B3GALT2: variants seen among roughly 807,000 people sequenced by gnomAD.
B3GALT2 encodes UDP-Gal:betaGlcNAc beta 1,3-galactosyltransferase, polypeptide 2.
B3GALT2 carries 13 observed loss-of-function variants against 33.5 expected under a neutral mutation model. That is an observed-to-expected ratio of 0.39 (90% CI 0.25 to 0.62). The LOEUF is 0.62. Ranked by LOEUF, B3GALT2 falls within the 20% of genes least tolerant of loss-of-function variation. The probability of loss-of-function intolerance (pLI) is 0.53; values close to 1 mark genes in which losing one functional copy is unlikely to be tolerated. For missense variants in B3GALT2, 418 were observed against 509.1 expected, an observed-to-expected ratio of 0.82 and a Z score of 1.72; for synonymous variants, 195 against 172.7, an observed-to-expected ratio of 1.13 and a Z score of -1.01.
rs1189074346 is a variant in B3GALT2 at position 193,186,179 on chromosome 1, C to G, written c.-281G>C. 6.5e-6 allele frequency: 1 copy of G among 153,062 alleles called. No individual in the cohort carries two copies. Among genetic ancestry groups the G allele is most frequent in the East Asian group, 1.9e-4 (1 of 5,168 alleles). The allele number at this position is 153,062 out of a possible 1,614,324, so 9.5% of individuals were successfully genotyped here. On this transcript the variant is annotated 5_prime_UTR_variant, in exon 1 of 2. Transcript: ENST00000367434. The stretch of plus-strand genomic sequence containing the variant: ...CACAGTATCCAAAGTGTCCATCTGT[C>G]TGCTTGTCTTCGAGTTACCCTCCTT...
At position 193,179,508 on chromosome 1, in the gene B3GALT2, A is replaced by G. The variant is rs1419731577; in HGVS notation, c.*786T>C. ...TGTTTAAGAGTGCAGTAATTGGTCT[A>G]ATCCAATAACTCATTGAAATAGGAG... is the stretch of plus-strand genomic sequence containing the variant. On this transcript the variant is annotated 3_prime_UTR_variant, in exon 2 of 2. Coordinates refer to ENST00000367434, the MANE Select transcript of B3GALT2 (RefSeq NM_003783.3). 6.6e-6 allele frequency: 1 copy of G among 152,658 alleles called. No individual in the cohort carries two copies. Among genetic ancestry groups the G allele is most frequent in the African/African-American group, 2.4e-5 (1 of 41,460 alleles). The allele number at this position is 152,658 out of a possible 1,614,324, so 9.5% of individuals were successfully genotyped here.
chr1:193,185,392 T>C (rs562449035), intron 1 of B3GALT2, among the ~76,000 whole-genome samples: 102 of 152,220 alleles, frequency 6.7e-4, no homozygotes, highest in African/African-American at 2.4e-3. Flanking sequence ...CACTACCTTA[T>C]GTGATCTTAT....
At position 193,180,878 on chromosome 1, in the gene B3GALT2, T is replaced by A; in HGVS notation, c.685A>T (p.Ile229Phe). The stretch of plus-strand genomic sequence containing the variant: ...CAGTTCATGCCCATTAGTGTTTTAA[T>A]GGTCAAATTATAGTACGTATCTAAG... ...EYLDTYYNLT[I>F]KTLMGMNWVA... The change falls in exon 2 of 2, where the codon ATT (isoleucine) becomes TTT (phenylalanine). Residue 229 changes from isoleucine to phenylalanine, a missense_variant. By Grantham distance (21) the Ile-to-Phe change is conservative. Coordinates refer to ENST00000367434, the MANE Select transcript of B3GALT2 (RefSeq NM_003783.3). 6.2e-7 allele frequency: 1 copy of A among 1,613,936 alleles called. No homozygotes were observed.
chr1:193,182,879 A>G (rs1157595251), intron 1 of B3GALT2, among the ~76,000 whole-genome samples: 10 of 152,056 alleles, frequency 6.6e-5, no homozygotes, highest in Admixed American at 6.6e-4. Flanking sequence ...AGTGATGAAT[A>G]TGTAATTTTA....
rs1436739463 is a variant in B3GALT2, at chr1:193,178,762, G to A, written c.*1532C>T. Among the ~76,000 whole-genome samples the A allele has an allele frequency of 1.3e-5, 2 of 152,156 alleles. No individual in the cohort carries two copies. The highest frequency in any genetic ancestry group is 4.8e-5 in the African/African-American group (2 of 41,440). ...CACTTGATTTAGAGTAGAACACTTA[G>A]GCTACTGATTTGAAATGGAGATAAG... On this transcript the variant is annotated 3_prime_UTR_variant, in exon 2 of 2. Coordinates refer to ENST00000367434, the MANE Select transcript of B3GALT2 (RefSeq NM_003783.3).
rs1425629651 is a variant in B3GALT2 at position 193,180,992 on chromosome 1, A to G, written c.571T>C (p.Leu191=). The change falls in exon 2 of 2, where the codon TTG becomes CTG. Residue 191 remains leucine, a synonymous_variant. Coordinates refer to ENST00000367434, the MANE Select transcript of B3GALT2 (RefSeq NM_003783.3). ...PGIQITRIFL[L]GLSIKLNGYL... The stretch of plus-strand genomic sequence containing the variant: ...CCATTTAGCTTAATACTTAAGCCCA[A>G]CAAAAATATTCTTGTGATTTGAATA... 15 of 1,613,452 alleles carry G rather than the reference A, an allele frequency of 9.3e-6. No homozygotes were observed. The highest frequency in any genetic ancestry group is 1.3e-5 in the Non-Finnish European group (15 of 1,179,974).
At position 193,181,146 on chromosome 1, in the gene B3GALT2, A is replaced by T. The variant is rs998757805; in HGVS notation, c.417T>A (p.Ile139=). 10 of 1,613,858 alleles carry T rather than the reference A, an allele frequency of 6.2e-6. No individual in the cohort carries two copies. The highest frequency in any genetic ancestry group is 8.5e-6 in the Non-Finnish European group (10 of 1,179,944). Residue 139 remains isoleucine (I), a synonymous_variant, in exon 2 of 2, where the codon ATT becomes ATA. Transcript: ENST00000367434. ...CTTGGCATTTTTCAGGCTCATTAAT[A>T]ATATATTTGAAATGGTAAGAATTTG... ...GHPNSYHFKY[I]INEPEKCQEK...
chr1:193,183,662 AAAT>A (rs1676756937), intron 1 of B3GALT2, among the ~76,000 whole-genome samples: 1 of 151,702 alleles, frequency 6.6e-6, no homozygotes, highest in African/African-American at 2.4e-5. Context: ...CATATTTGGT[AAAT>A]AATAATGACT....
rs969040425 is a variant in B3GALT2, at chr1:193,181,240, C to T, written c.323G>A (p.Gly108Glu). The change falls in exon 2 of 2, where the codon GGA becomes GAA. Residue 108 changes from glycine (G) to glutamate (E), a missense_variant. Physicochemically the swap from Gly to Glu is moderately conservative, Grantham distance 98 (BLOSUM62 -2). Around this residue, in one of 3 missense-constraint regions of B3GALT2, gnomAD observed 188 missense variants for 197.5 expected, o/e 0.95. Transcript: ENST00000367434. ...AAGTGTATTCTCCAGGCCTGTAACT[C>T]CTTGTGGTGACAGGTCTGTGTTATT... ...NSNNTDLSPQ[G>E]VTGLENTLSA... 6.2e-7 allele frequency: 1 copy of T among 1,613,872 alleles called. No individual in the cohort carries two copies. Among genetic ancestry groups the T allele is most frequent in the African/African-American group, 1.3e-5 (1 of 74,880 alleles).
Position 193,179,678 on chromosome 1 carries a change from A to G in B3GALT2, c.*616T>C, listed in dbSNP as rs535705502. On this transcript the variant is annotated 3_prime_UTR_variant, in exon 2 of 2. Coordinates refer to ENST00000367434, the MANE Select transcript of B3GALT2 (RefSeq NM_003783.3). ...ATTTTCCCCCATATATTAATAAAAG[A>G]AAGTATTAATAAAAGAAATTTAAAA... 1 of 152,702 alleles carries G rather than the reference A, an allele frequency of 6.5e-6. No homozygotes were observed. Among genetic ancestry groups the G allele is most frequent in the Non-Finnish European group, 1.5e-5 (1 of 67,996 alleles). The allele number at this position is 152,702 out of a possible 1,614,324, so 9.5% of individuals were successfully genotyped here. A position where few individuals can be genotyped will look rare whatever the true frequency, so the allele number is the denominator to read the frequency against.
chr1:193,180,946 A>G lies in B3GALT2; in HGVS notation c.617T>C (p.Leu206Pro). 6.2e-7 allele frequency: 1 copy of G among 1,613,564 alleles called. No homozygotes were observed. Among genetic ancestry groups the G allele is most frequent in the Non-Finnish European group, 8.5e-7 (1 of 1,179,954 alleles). The change falls in exon 2 of 2, where the codon CTG (leucine) becomes CCG (proline). Residue 206 changes from leucine (L) to proline (P), a missense_variant. Physicochemically the swap from Leu to Pro is moderately conservative, Grantham distance 98. Transcript: ENST00000367434. The stretch of plus-strand genomic sequence containing the variant: ...ATCATGATATTGTCTGCTTTCTTCC[A>G]GTATTGCACGTTGAAGGTAGCCATT... Reference protein sequence around the residue: ...KLNGYLQRAILEESRQYHDII... With the variant: ...KLNGYLQRAIPEESRQYHDII...
chr1:193,179,528 TAGG>T lies in B3GALT2; in HGVS notation c.*763_*765del, dbSNP rs1237273621. 1 of 152,602 alleles carries T rather than the reference TAGG, an allele frequency of 6.6e-6. No homozygotes were observed. Among genetic ancestry groups the T allele is most frequent in the East Asian group, 1.9e-4 (1 of 5,196 alleles). 9.5% of individuals were successfully genotyped at this position (152,602 alleles called of 1,614,324 possible). A position where few individuals can be genotyped will look rare whatever the true frequency, so the allele number is the denominator to read the frequency against. ...GGTCTAATCCAATAACTCATTGAAA[TAGG>T]AGTTTGGTTCTTAACATCAATGAGG... On this transcript the variant is annotated 3_prime_UTR_variant, in exon 2 of 2. Coordinates refer to ENST00000367434, the MANE Select transcript of B3GALT2 (RefSeq NM_003783.3).
Position 193,181,169 on chromosome 1 carries a change from TTGGATGTCCAG to T in B3GALT2, c.383_393del (p.Thr128LysfsTer10). ...ATAATATATTTGAAATGGTAAGAAT[TTGGATGTCCAG>T]TACCTTTTTCATTGTAAATACTTCC... On this transcript the variant is annotated frameshift_variant, in exon 2 of 2. Transcript: ENST00000367434. LOFTEE classifies it high-confidence loss of function. 1 of 1,613,940 alleles carries T rather than the reference TTGGATGTCCAG, an allele frequency of 6.2e-7. No individual in the cohort carries two copies. Among genetic ancestry groups the T allele is most frequent in the South Asian group, 1.1e-5 (1 of 91,058 alleles).
intron 1 of B3GALT2, among the ~76,000 whole-genome samples, chr1:193,185,528 T>C (rs1011427136): frequency 3.9e-5 from 6 of 152,164 alleles, no homozygotes; most frequent in African/African-American, 1.4e-4. Context: ...TACTAAAAGC[T>C]GTTACATATT....
rs762624742 is a variant in B3GALT2 at position 193,181,462 on chromosome 1, A to C, written c.101T>G (p.Val34Gly). Residue 34 changes from valine (V) to glycine (G), a missense_variant, in exon 2 of 2, where the codon GTG becomes GGG. Val to Gly is a moderately radical substitution (Grantham distance 109). Transcript: ENST00000367434. The part of the protein sequence containing the change: ...RTHLIGVLSL[V>G]FLFAMFLFFN... ...AAACAAAAACATAGCAAAAAGAAAC[A>C]CTAGAGAAAGTACTCCAATAAGATG... 2 of 1,614,070 alleles carry C rather than the reference A, an allele frequency of 1.2e-6. No homozygotes were observed. Among genetic ancestry groups the C allele is most frequent in the Non-Finnish European group, 1.7e-6 (2 of 1,179,926 alleles).
At position 193,180,161 on chromosome 1, in the gene B3GALT2, TAA is replaced by T; in HGVS notation, c.*131_*132del. 1.2e-6 allele frequency: 1 copy of T among 800,686 alleles called. No individual in the cohort carries two copies. The allele number at this position is 800,686 out of a possible 1,614,324, so 49.6% of individuals were successfully genotyped here. ...TTTAAGAATTAACTTCTTCAGAAATTAAAAAAATACTTCTTGAATTTCTTTAT... is the reference window on the plus strand; with the variant it reads ...TTTAAGAATTAACTTCTTCAGAAATTAAAAATACTTCTTGAATTTCTTTAT... On this transcript the variant is annotated 3_prime_UTR_variant, in exon 2 of 2. Transcript: ENST00000367434.
rs1676687309 is a variant in B3GALT2 at position 193,180,151 on chromosome 1, C to T, written c.*143G>A. ...ATGTTATAGTTTTAAGAATTAACTT[C>T]TTCAGAAATTAAAAAAATACTTCTT... On this transcript the variant is annotated 3_prime_UTR_variant, in exon 2 of 2. Transcript: ENST00000367434. 6.9e-6 allele frequency: 5 copies of T among 722,814 alleles called. No individual in the cohort carries two copies. The highest frequency in any genetic ancestry group is 3.7e-5 in the Admixed American group (1 of 26,756). 44.8% of individuals were successfully genotyped at this position (722,814 alleles called of 1,614,324 possible).
At position 193,180,276 on chromosome 1, in the gene B3GALT2, G is replaced by GA. The variant is rs745421945; in HGVS notation, c.*17dup. ...AGCAATATTTACAAATTGCACATTT[G>GA]AAAAAAAATTGTCTTTTCTAATGTA... On this transcript the variant is annotated 3_prime_UTR_variant, in exon 2 of 2. Coordinates refer to ENST00000367434, the MANE Select transcript of B3GALT2 (RefSeq NM_003783.3). 6.3e-5 allele frequency: 96 copies of GA among 1,530,160 alleles called. No homozygotes were observed. Among genetic ancestry groups the GA allele is most frequent in the East Asian group, 2.9e-4 (13 of 44,094 alleles). The allele number at this position is 1,530,160 out of a possible 1,614,324, so 94.8% of individuals were successfully genotyped here. A position where few individuals can be genotyped will look rare whatever the true frequency, so the allele number is the denominator to read the frequency against.
chr1:193,184,501 T>C (rs1430747750), intron 1 of B3GALT2, among the ~76,000 whole-genome samples: 1 of 150,674 alleles, frequency 6.6e-6, no homozygotes, highest in African/African-American at 2.5e-5. Flanking sequence ...TATTAATGTG[T>C]ATTTATAGCT....
Sources: allele counts gnomAD v4.1 joint callset (sites outside exome capture counted in the v4.1 genomes callset), GRCh38; gene constraint gnomAD v4.1.1; regional missense constraint gnomAD v4.1.1; transcripts MANE v1.5; gene names NCBI Gene and HGNC (gene_info 2026-07-23, HGNC 2026-07-21).